AGRN: variants seen among roughly 807,000 people sequenced by gnomAD.
AGRN encodes the protein agrin proteoglycan.
Under a neutral mutation model 211.0 loss-of-function variants are expected in AGRN, and 106 were observed. The observed-to-expected ratio is 0.50, with a 90% CI of 0.43 to 0.59. The LOEUF (loss-of-function observed/expected upper bound fraction) is 0.59. AGRN is among the 20% of genes least tolerant of loss of function. AGRN has a pLI of 0.00. For missense variants in AGRN, 3,040 were observed against 2,982.6 expected, an observed-to-expected ratio of 1.02 and a Z score of -0.45; for synonymous variants, 1,525 against 1,332.5, an observed-to-expected ratio of 1.14 and a Z score of -3.15.
rs1458062958 is a variant in AGRN at position 1,028,326 on chromosome 1, C to A, written c.463+5864C>A. Among the ~76,000 whole-genome samples the A allele has an allele frequency of 1.2e-3, 161 of 132,770 alleles. 7 individuals carry two copies. The highest frequency in any genetic ancestry group is 1.8e-3 in the East Asian group (8 of 4,468). 87.1% of individuals were successfully genotyped at this position (132,770 alleles called of 152,430 possible). On this transcript the variant is annotated intron_variant, in intron 2 of 35. Coordinates refer to ENST00000379370, the MANE Select transcript of AGRN (RefSeq NM_198576.4). Reference sequence around the variant, plus strand: ...CTCTCTCCCGTGGGGAAACGCCCCCCCCCCCCCCCCGCCCTGCACCTGGCT... The same window carrying A: ...CTCTCTCCCGTGGGGAAACGCCCCCACCCCCCCCCCGCCCTGCACCTGGCT...
In AGRN at chr1:1,046,705, G is replaced by A. The variant is rs1645106250; in HGVS notation, c.3220G>A (p.Asp1074Asn). ...AAGCAGCGATGAGGAACTGAGCGGG[G>A]ACCAGGAGGCCAGTGGGGGTGGCTC... ...DGSSDEELSG[D>N]QEASGGGSGG... Residue 1074 changes from aspartate to asparagine, a missense_variant, in exon 18 of 36, where the codon GAC becomes AAC. Asp to Asn is a conservative substitution (Grantham distance 23). Around this residue, in one of 3 missense-constraint regions of AGRN, gnomAD observed 1,537 missense variants for 1,505.0 expected, o/e 1.02. Coordinates refer to ENST00000379370, the MANE Select transcript of AGRN (RefSeq NM_198576.4). The A allele has an allele frequency of 6.3e-7, 1 of 1,582,656 alleles. No individual in the cohort carries two copies. The highest frequency in any genetic ancestry group is 1.7e-4 in the Middle Eastern group (1 of 5,998).
At chr1:1,036,592 G>A (rs1296629857) in intron 3 of AGRN, among the ~76,000 whole-genome samples, 1 of 152,158 alleles carries the variant, frequency 6.6e-6, no homozygotes, top group Non-Finnish European at 1.5e-5. Context: ...CGCTGGGCCT[G>A]GGGTGAGGAG....
rs1042513149 is a variant in AGRN at position 1,043,749 on chromosome 1, G to A, written c.1798+17G>A. ...GACCCTGTGGTGAGTGAGGCCCTGG[G>A]GCCGGGCGGGCCAGGGTCCTGTGCC... On this transcript the variant is annotated intron_variant, in intron 9 of 35. Coordinates refer to ENST00000379370, the MANE Select transcript of AGRN (RefSeq NM_198576.4). The A allele has an allele frequency of 1.9e-6, 3 of 1,601,958 alleles. No homozygotes were observed. Among genetic ancestry groups the A allele is most frequent in the Non-Finnish European group, 2.5e-6 (3 of 1,179,738 alleles).
At chr1:1,051,183 G>GGCC in intron 30 of AGRN, 70 bp from the exon 31 acceptor site, 1 of 1,530,256 alleles carries the variant, frequency 6.5e-7, no homozygotes, top group Non-Finnish European at 8.8e-7. Flanking sequence ...GCGGGTGCGT[G>GGCC]CAGGTGCCTG....
At chr1:1,034,446 G>A in intron 2 of AGRN, 6 of 985,676 alleles carry the variant, frequency 6.1e-6, no homozygotes, top group Non-Finnish European at 7.2e-6. Flanking sequence ...GCTGCTGTCC[G>A]CCGCCCCAGG....
At chr1:1,051,703 C>G in intron 32 of AGRN, 25 bp from the exon 33 acceptor site, 4 of 1,613,358 alleles carry the variant, frequency 2.5e-6, no homozygotes, top group Non-Finnish European at 3.4e-6. Context: ...CCACGAGGCC[C>G]CACCCTCACC....
In AGRN at chr1:1,045,781, T is replaced by C. The variant is rs762075007; in HGVS notation, c.2585T>C (p.Met862Thr). The C allele has an allele frequency of 1.9e-6, 3 of 1,613,354 alleles. No homozygotes were observed. Among genetic ancestry groups the C allele is most frequent in the Non-Finnish European group, 2.5e-6 (3 of 1,179,958 alleles). Residue 862 changes from methionine to threonine, a missense_variant, in exon 15 of 36, where the codon ATG becomes ACG. By Grantham distance (81) the Met-to-Thr change is moderately conservative. Around this residue, in one of 3 missense-constraint regions of AGRN, gnomAD observed 1,498 missense variants for 1,457.8 expected, o/e 1.03. Coordinates refer to ENST00000379370, the MANE Select transcript of AGRN (RefSeq NM_198576.4). Reference sequence around the variant, plus strand: ...GCCGTGCGGGATGACTGTGAGCAGATGACGGGGCTGTGCTCGTGTAAGCCC... The same window carrying C: ...GCCGTGCGGGATGACTGTGAGCAGACGACGGGGCTGTGCTCGTGTAAGCCC... ...QGAVRDDCEQ[M>T]TGLCSCKPGV...
chr1:1,046,105 G>A lies in AGRN; in HGVS notation c.2805+17G>A, dbSNP rs373750601. ...GCTACCAAGGTGAGGGGTGTGGGAT[G>A]TGAAGGGGAGTGGGGAGGAGGCCTC... On this transcript the variant is annotated intron_variant, in intron 16 of 35. Coordinates refer to ENST00000379370, the MANE Select transcript of AGRN (RefSeq NM_198576.4). 2.8e-5 allele frequency: 45 copies of A among 1,613,916 alleles called. No individual in the cohort carries two copies. The highest frequency in any genetic ancestry group is 1.6e-4 in the Middle Eastern group (1 of 6,084).
intron 2 of AGRN, among the ~76,000 whole-genome samples, chr1:1,028,183 G>C (rs1186429383): frequency 6.6e-6 from 1 of 152,184 alleles, no homozygotes; most frequent in African/African-American, 2.4e-5. Flanking sequence ...GTGGGAGAAA[G>C]AGGCTGTGGA....
chr1:1,053,237 G>A (rs1202670166), intron 33 of AGRN: 1 of 315,982 alleles, frequency 3.2e-6, no homozygotes, highest in African/African-American at 3.1e-5. Context: ...GTGCCCTCAA[G>A]TGTCTCGTGT....
intron 33 of AGRN, chr1:1,052,093 G>GC (rs1274649601): frequency 1.4e-6 from 2 of 1,425,042 alleles, no homozygotes; most frequent in Non-Finnish European, 9.4e-7. Flanking sequence ...AGAGTCCGGA[G>GC]CCCCCGGGGA....
In AGRN at chr1:1,031,050, ATG is replaced by A. The variant is rs201682470; in HGVS notation, c.464-4216_464-4215del. On this transcript the variant is annotated intron_variant, in intron 2 of 35. Transcript: ENST00000379370. The surrounding 1 kb of genome is among the most constrained non-coding windows in gnomAD (Gnocchi z 4.8). The stretch of plus-strand genomic sequence containing the variant: ...TGCATGGTGCTGTGAGTGTATCAGC[ATG>A]TGTGTGTGTGCAGTGCATGGTGCTG... Among the ~76,000 whole-genome samples, 910 of 92,994 alleles carry A rather than the reference ATG, an allele frequency of 9.8e-3. 25 individuals are homozygous for A. Among genetic ancestry groups the A allele is most frequent in the Non-Finnish European group, 0.013 (635 of 48,500 alleles). The allele number at this position is 92,994 out of a possible 152,430, so 61.0% of individuals were successfully genotyped here. A position where few individuals can be genotyped will look rare whatever the true frequency, so the allele number is the denominator to read the frequency against.
At chr1:1,022,850 G>A (rs143018875) in intron 2 of AGRN, among the ~76,000 whole-genome samples, 124 of 152,376 alleles carry the variant, frequency 8.1e-4, no homozygotes, top group African/African-American at 2.7e-3. Context: ...CCCGCGTGTC[G>A]AGCACTCCTC....
intron 2 of AGRN, among the ~76,000 whole-genome samples, chr1:1,033,724 C>A (rs1415624510): frequency 2.2e-5 from 3 of 134,940 alleles, no homozygotes; most frequent in Non-Finnish European, 4.9e-5. Flanking sequence ...AGTCCCAACA[C>A]CTTCAGGCCC....
chr1:1,047,928 G>GC (rs1415643475), intron 22 of AGRN, 33 bp downstream of exon 22: 2 of 1,602,024 alleles, frequency 1.2e-6, no homozygotes, highest in East Asian at 4.5e-5. Context: ...CAGCTTACCT[G>GC]CCCCCTCCTC....
chr1:1,050,934 C>G, intron 30 of AGRN, 97 bp downstream of exon 30: 1 of 1,539,592 alleles, frequency 6.5e-7, no homozygotes, highest in Non-Finnish European at 8.8e-7. Flanking sequence ...AGCTGTTTTT[C>G]TGTCCTGTTC....
At chr1:1,047,073 C>T (rs1430420690) in intron 19 of AGRN, 116 bp downstream of exon 19, 2 of 1,488,844 alleles carry the variant, frequency 1.3e-6, no homozygotes, top group Admixed American at 4.2e-5. Flanking sequence ...GACTCGGCCC[C>T]CTCAAACATG....
intron 7 of AGRN, 24 bp from the exon 8 acceptor site, chr1:1,043,215 A>T: frequency 6.5e-7 from 1 of 1,542,908 alleles, no homozygotes; most frequent in Non-Finnish European, 8.7e-7. Flanking sequence ...TTGTGGGACC[A>T]CTGAGCCCCT....
chr1:1,033,079 G>T (rs2100599808), intron 2 of AGRN, among the ~76,000 whole-genome samples: 1 of 152,060 alleles, frequency 6.6e-6, no homozygotes, highest in East Asian at 1.9e-4. Flanking sequence ...TGACGTCAGG[G>T]CCCGGACGTT....
Sources: gnomAD v4.1 joint callset for allele counts (sites outside exome capture counted in the v4.1 genomes callset) on GRCh38, gnomAD v4.1.1 for gene constraint, gnomAD v4.1.1 regional missense constraint, Gnocchi (gnomAD v3.1) non-coding constraint, MANE v1.5 for transcripts, NCBI Gene and HGNC (gene_info 2026-07-23, HGNC 2026-07-21) for gene names.